The following SEMA6A variants were observed in gnomAD, a reference collection of about 807,000 sequenced individuals.
SEMA6A encodes semaphorin-6A.
A neutral mutation model predicts 96.8 loss-of-function variants in SEMA6A; 25 were observed. That is an observed-to-expected ratio of 0.26 (90% confidence interval 0.19 to 0.36). The LOEUF (loss-of-function observed/expected upper bound fraction) is 0.36. Among genes scored for constraint, SEMA6A ranks in the 10% least tolerant of loss-of-function variants. The pLI is 1.00. For missense variants in SEMA6A, 1,363 were observed against 1,323.1 expected (o/e 1.03, Z -0.47); for synonymous variants, 612 against 518.0 (o/e 1.18, Z -2.46).
intron 18 of SEMA6A, among the ~76,000 whole-genome samples, chr5:116,458,610 T>G (rs1029264789): frequency 6.6e-6 from 1 of 152,000 alleles, no homozygotes; most frequent in African/African-American, 2.4e-5. Context: ...TTTGAGAAAA[T>G]GAATGTTAGG....
intron 18 of SEMA6A, among the ~76,000 whole-genome samples, chr5:116,451,540 G>A (rs1754637289): frequency 6.6e-6 from 1 of 152,196 alleles, no homozygotes; most frequent in Non-Finnish European, 1.5e-5. Context: ...ATTATAGTTG[G>A]ATTCTCAGTG....
At position 116,556,595 on chromosome 5, in the gene SEMA6A, G is replaced by A. The variant is rs569821470; in HGVS notation, c.-39+17590C>T. Among the ~76,000 whole-genome samples the A allele has an allele frequency of 2.6e-5, 4 of 152,264 alleles. No individual in the cohort carries two copies. In the South Asian group the frequency reaches 8.3e-4, roughly 32 times the overall value. On this transcript the variant is annotated intron_variant, in intron 1 of 18. Transcript: ENST00000343348. ...ATGAGGCACAGAGATGTTAAGTAAT[G>A]TTCCCAAGATCTCACAGCCAATAGA...
Position 116,467,738 on chromosome 5 carries a change from C to G in SEMA6A, c.1739G>C (p.Ser580Thr). Residue 580 changes from serine to threonine, a missense_variant, in exon 18 of 19, where the codon AGT (serine) becomes ACT (threonine). Physicochemically the swap from Ser to Thr is moderately conservative, Grantham distance 58. Coordinates refer to ENST00000343348, the MANE Select transcript of SEMA6A (RefSeq NM_020796.5). The stretch of plus-strand genomic sequence containing the variant: ...TGTGGTTGTGCTGGGCAAGAGGGAA[C>G]TGGAATGCCCTGTTTTCATCACAAA... ...NSFVALNGHS[S>T]SLLPSTTTSD... is the part of the protein sequence containing the mutation. 2 of 1,613,650 alleles carry G rather than the reference C, an allele frequency of 1.2e-6. No homozygotes were observed. Among genetic ancestry groups the G allele is most frequent in the Middle Eastern group, 1.7e-4 (1 of 6,056 alleles).
intron 16 of SEMA6A, 24 bp from the exon 17 acceptor site, chr5:116,473,117 G>A: frequency 8.2e-6 from 13 of 1,586,910 alleles, no homozygotes; most frequent in Non-Finnish European, 1.1e-5. Flanking sequence ...GGGAGGAGAA[G>A]GTTACTTAAT....
chr5:116,478,733 C>T lies in SEMA6A; in HGVS notation c.1251-15G>A. The T allele has an allele frequency of 6.2e-7, 1 of 1,608,796 alleles. No individual in the cohort carries two copies. Among genetic ancestry groups the T allele is most frequent in the Non-Finnish European group, 8.5e-7 (1 of 1,177,496 alleles). On this transcript the variant is annotated splice_polypyrimidine_tract_variant and intron_variant, in intron 12 of 18. Transcript: ENST00000343348. ...TAAGGCGGTATCTAAAATGACAGGA[C>T]CACATTTCTTATCTCTTTGTTGGTC...
At chr5:116,493,430 C>T (rs1241775163) in intron 6 of SEMA6A, among the ~76,000 whole-genome samples, 1 of 152,140 alleles carries the variant, frequency 6.6e-6, no homozygotes, top group Non-Finnish European at 1.5e-5. Flanking sequence ...ACTGATGAAT[C>T]TTGTCTTTAT....
intron 1 of SEMA6A, among the ~76,000 whole-genome samples, chr5:116,541,112 A>G: frequency 6.6e-6 from 1 of 152,204 alleles, no homozygotes; most frequent in East Asian, 1.9e-4. Context: ...ATGCTTGATA[A>G]CATTCATGTA....
At chr5:116,491,157 T>G (rs1290261795) in intron 7 of SEMA6A, among the ~76,000 whole-genome samples, 1 of 152,196 alleles carries the variant, frequency 6.6e-6, no homozygotes, top group Non-Finnish European at 1.5e-5. Flanking sequence ...TGTGGCCTCA[T>G]TGCTCTGAGA....
At chr5:116,568,723 T>C (rs978715006) in intron 1 of SEMA6A, among the ~76,000 whole-genome samples, 2 of 152,038 alleles carry the variant, frequency 1.3e-5, no homozygotes, top group Non-Finnish European at 1.5e-5. Context: ...AATGTGGGAA[T>C]GAACAGGCTC....
Position 116,447,612 on chromosome 5 carries a change from G to C in SEMA6A, c.2094C>G (p.Ser698=), listed in dbSNP as rs1303217082. The C allele has an allele frequency of 4.3e-6, 7 of 1,613,922 alleles. No homozygotes were observed. Among genetic ancestry groups the C allele is most frequent in the Non-Finnish European group, 5.9e-6 (7 of 1,179,908 alleles). The change falls in exon 19 of 19, where the codon TCC becomes TCG. Residue 698 remains serine (S), a synonymous_variant. Coordinates refer to ENST00000343348, the MANE Select transcript of SEMA6A (RefSeq NM_020796.5). ...EKELTHSRRG[S]MSSVTKLSGL... ...CGCTGAGCTTGGTGACGCTGCTCAT[G>C]GAGCCCCGGCGCGAGTGGGTGAGCT...
At chr5:116,482,626 G>T in intron 10 of SEMA6A, 51 bp from the exon 11 acceptor site, 1 of 1,602,306 alleles carries the variant, frequency 6.2e-7, no homozygotes, top group Non-Finnish European at 8.5e-7. Context: ...GGTTATGCAT[G>T]TGGTTTGGAA....
chr5:116,448,598 C>T lies in SEMA6A; in HGVS notation c.1895-787G>A, dbSNP rs146523813. 2.2e-3 allele frequency among the ~76,000 whole-genome samples: 329 copies of T among 152,112 alleles called. 2 individuals carry two copies. The highest frequency in any genetic ancestry group is 7.3e-3 in the African/African-American group (303 of 41,478). Reference sequence around the variant, plus strand: ...GGCTTCCAGTTGGGATCTTTTCCGACGGCCCCCTTGTGGCCACCGGAGCCT... The same window carrying T: ...GGCTTCCAGTTGGGATCTTTTCCGATGGCCCCCTTGTGGCCACCGGAGCCT... On this transcript the variant is annotated intron_variant, in intron 18 of 18. Coordinates refer to ENST00000343348, the MANE Select transcript of SEMA6A (RefSeq NM_020796.5).
At chr5:116,509,920 G>A (rs1194686769) in intron 1 of SEMA6A, among the ~76,000 whole-genome samples, 1 of 151,622 alleles carries the variant, frequency 6.6e-6, no homozygotes, top group Non-Finnish European at 1.5e-5. Flanking sequence ...AACAAACTGG[G>A]GAACAGGGCT....
intron 16 of SEMA6A, among the ~76,000 whole-genome samples, chr5:116,474,495 GA>G (rs1342520462): frequency 6.6e-6 from 1 of 152,124 alleles, no homozygotes; most frequent in East Asian, 1.9e-4. Flanking sequence ...GACATAATAA[GA>G]ATTTTTGCCA....
chr5:116,522,203 AT>A (rs1758987258), intron 1 of SEMA6A, among the ~76,000 whole-genome samples: 1 of 152,100 alleles, frequency 6.6e-6, no homozygotes, highest in Admixed American at 6.6e-5. Context: ...CTCACTTTTT[AT>A]GTTGTACATT....
At position 116,560,188 on chromosome 5, in the gene SEMA6A, A is replaced by G. The variant is rs191010516; in HGVS notation, c.-39+13997T>C. Among the ~76,000 whole-genome samples, 9 of 152,186 alleles carry G rather than the reference A, an allele frequency of 5.9e-5. No homozygotes were observed. In the South Asian group the frequency reaches 8.3e-4, roughly 14 times the overall value. ...CGCAATTGAAATGCTTCCTCCTTCA[A>G]TGGAGCCCAGCCTGACCTCCCAGCT... On this transcript the variant is annotated intron_variant, in intron 1 of 18. Transcript: ENST00000343348.
At chr5:116,545,390 T>G (rs1310752874) in intron 1 of SEMA6A, among the ~76,000 whole-genome samples, 1 of 151,976 alleles carries the variant, frequency 6.6e-6, no homozygotes, top group East Asian at 1.9e-4. Flanking sequence ...GCCAACATGG[T>G]CAAATCCCGT....
intron 1 of SEMA6A, among the ~76,000 whole-genome samples, chr5:116,568,296 A>C (rs1392546970): frequency 6.6e-6 from 1 of 152,218 alleles, no homozygotes; most frequent in African/African-American, 2.4e-5. Flanking sequence ...TAGGTTTACT[A>C]TTTATAATTT....
intron 17 of SEMA6A, chr5:116,468,611 T>G (rs1580394481): frequency 6.6e-6 from 1 of 152,220 alleles, no homozygotes; most frequent in Admixed American, 6.5e-5. Context: ...TGAATTCGTT[T>G]GTAAGCTCTC....
Sources: allele counts gnomAD v4.1 joint callset (sites outside exome capture counted in the v4.1 genomes callset), GRCh38; gene constraint gnomAD v4.1.1; transcripts MANE v1.5; gene names NCBI Gene and HGNC (gene_info 2026-07-23, HGNC 2026-07-21).